The following KRTAP1-3 variants were observed in gnomAD, a reference collection of about 807,000 sequenced individuals.
KRTAP1-3 encodes keratin-associated protein 1-3.
Under a neutral mutation model 11.8 loss-of-function variants are expected in KRTAP1-3, and 10 were observed. The ratio of observed to expected loss-of-function variants is 0.85; its 90% CI spans 0.52 to 1.44. KRTAP1-3 has a LOEUF of 1.44. KRTAP1-3 is among the 40% of genes most tolerant of loss of function. The pLI, the probability that KRTAP1-3 is intolerant of heterozygous loss-of-function variation, is 0.00. For synonymous variants in KRTAP1-3, 74 were observed against 77.3 expected (o/e 0.96, Z 0.23); for missense variants, 176 against 217.2 (o/e 0.81, Z 1.19).
At position 41,034,485 on chromosome 17, in the gene KRTAP1-3, A is replaced by C; in HGVS notation, c.337T>G (p.Cys113Gly). Residue 113 changes from cysteine (C) to glycine (G), a missense_variant, in exon 1 of 1, where the codon TGC becomes GGC. Physicochemically the swap from Cys to Gly is radical, Grantham distance 159 (BLOSUM62 -3). Coordinates refer to ENST00000344363, the MANE Select transcript of KRTAP1-3 (RefSeq NM_030966.2). ...STRIRWCRPD[C>G]RVEGTCLPPC... is the part of the protein sequence containing the mutation. ...GGCAGGCAGGTACCCTCCACACGGC[A>C]GTCTGGGCGGCACCACCTGATACGG... The C allele has an allele frequency of 2.5e-6, 4 of 1,613,492 alleles. No individual in the cohort carries two copies. The highest frequency in any genetic ancestry group is 3.4e-6 in the Non-Finnish European group (4 of 1,180,012).
chr17:41,034,679 G>A lies in KRTAP1-3; in HGVS notation c.143C>T (p.Pro48Leu), dbSNP rs1464773910. ...SCCQTSFCGFPSFSTSGTCSS... is the reference protein window; with the variant it reads ...SCCQTSFCGFLSFSTSGTCSS... ...GCAGGTCCCACTAGTTGAGAAGCTA[G>A]GAAATCCGCAGAAGCTGGTCTGGCA... Residue 48 changes from proline to leucine, a missense_variant, in exon 1 of 1, where the codon CCT becomes CTT. Physicochemically the swap from Pro to Leu is moderately conservative, Grantham distance 98. Transcript: ENST00000344363. The A allele has an allele frequency of 7.1e-7, 1 of 1,415,368 alleles. No individual in the cohort carries two copies. The highest frequency in any genetic ancestry group is 2.9e-5 in the East Asian group (1 of 34,664). The allele number at this position is 1,415,368 out of a possible 1,614,324, so 87.7% of individuals were successfully genotyped here.
chr17:41,034,038 G>A lies in KRTAP1-3; in HGVS notation c.*280C>T, dbSNP rs980717460. On this transcript the variant is annotated 3_prime_UTR_variant, in exon 1 of 1. Transcript: ENST00000344363. ...TCTCGTCGGCGCTGAGACTCAGAGC[G>A]TGGGCTTCAATGCTTGCAAAGGCTC... The A allele has an allele frequency of 5.8e-5, 27 of 462,176 alleles. No individual in the cohort carries two copies. Among genetic ancestry groups the A allele is most frequent in the African/African-American group, 3.7e-4 (19 of 50,794 alleles). The allele number at this position is 462,176 out of a possible 1,614,324, so 28.6% of individuals were successfully genotyped here.
In KRTAP1-3 at chr17:41,034,768, C is replaced by T. The variant is rs959676353; in HGVS notation, c.54G>A (p.Gly18=). 4 of 1,303,940 alleles carry T rather than the reference C, an allele frequency of 3.1e-6. No homozygotes were observed. 80.8% of individuals were successfully genotyped at this position (1,303,940 alleles called of 1,614,324 possible). A position where few individuals can be genotyped will look rare whatever the true frequency, so the allele number is the denominator to read the frequency against. The change falls in exon 1 of 1, where the codon GGG becomes GGA. Residue 18 remains glycine (G), a synonymous_variant. Transcript: ENST00000344363. ...FCGYPSCSTS[G]TCGSSCCQPS... ...GCTGGCAGCAGCTGGAGCCGCATGT[C>T]CCACTGGTGGAGCAGCTGGGATATC...
In KRTAP1-3 at chr17:41,034,705, G is replaced by A; in HGVS notation, c.117C>T (p.Cys39=). Residue 39 remains cysteine, a synonymous_variant, in exon 1 of 1, where the codon TGC becomes TGT. Transcript: ENST00000344363. ...GAAATCCGCAGAAGCTGGTCTGGCA[G>A]CAGCTTGGCTGGCAGCAGCTGGTCT... The part of the protein sequence containing the change: ...CCETSCCQPS[C]CQTSFCGFPS... 6.2e-7 allele frequency: 1 copy of A among 1,610,552 alleles called. No homozygotes were observed. The highest frequency in any genetic ancestry group is 8.5e-7 in the Non-Finnish European group (1 of 1,178,434).
chr17:41,034,508 C>T lies in KRTAP1-3; in HGVS notation c.314G>A (p.Arg105His), dbSNP rs775007516. 29 of 1,612,942 alleles carry T rather than the reference C, an allele frequency of 1.8e-5. 1 individual carries two copies. The highest frequency in any genetic ancestry group is 1.6e-4 in the South Asian group (15 of 91,032). Reference protein sequence around the residue: ...QEGSSGAVSTRIRWCRPDCRV... With the variant: ...QEGSSGAVSTHIRWCRPDCRV... ...GCAGTCTGGGCGGCACCACCTGATA[C>T]GGGTGCTCACAGCTCCACTGCTGCC... Residue 105 changes from arginine (R) to histidine (H), a missense_variant, in exon 1 of 1, where the codon CGT becomes CAT. By Grantham distance (29) the Arg-to-His change is conservative. Coordinates refer to ENST00000344363, the MANE Select transcript of KRTAP1-3 (RefSeq NM_030966.2).
chr17:41,033,971 A>T lies in KRTAP1-3; in HGVS notation c.*347T>A, dbSNP rs2012505576. ...TGCAATTTGCAGGACGGTGGGATAC[A>T]GGAAGTGAGTGTCCTGAGAAGGACA... is the stretch of plus-strand genomic sequence containing the variant. On this transcript the variant is annotated 3_prime_UTR_variant, in exon 1 of 1. Coordinates refer to ENST00000344363, the MANE Select transcript of KRTAP1-3 (RefSeq NM_030966.2). 6.7e-6 allele frequency: 2 copies of T among 299,186 alleles called. No homozygotes were observed. Among genetic ancestry groups the T allele is most frequent in the Non-Finnish European group, 1.2e-5 (2 of 162,712 alleles). 18.5% of individuals were successfully genotyped at this position (299,186 alleles called of 1,614,324 possible).
Position 41,034,558 on chromosome 17 carries a change from A to G in KRTAP1-3, c.264T>C (p.Gly88=), listed in dbSNP as rs372009280. The change falls in exon 1 of 1, where the codon GGT becomes GGC. Residue 88 remains glycine, a synonymous_variant. Transcript: ENST00000344363. ...TSSCGTGCGI[G]GGIGYGQEGS... ...CCTCCTGGCCATAGCCAATGCCACC[A>G]CCAATGCCACAGCCAGTTCCGCAGG... 4.0e-5 allele frequency: 65 copies of G among 1,612,062 alleles called. No individual in the cohort carries two copies. Among genetic ancestry groups the G allele is most frequent in the Non-Finnish European group, 5.3e-5 (63 of 1,179,768 alleles).
In KRTAP1-3 at chr17:41,034,649, G is replaced by A. The variant is rs2012527062; in HGVS notation, c.173C>T (p.Ser58Phe). ...ACAGCAGCTTGGCTGGCAGCAACTG[G>A]AGCTGCAGGTCCCACTAGTTGAGAA... ...PSFSTSGTCS[S>F]SCCQPSCCET... Residue 58 changes from serine to phenylalanine, a missense_variant, in exon 1 of 1, where the codon TCC (serine) becomes TTC (phenylalanine). Ser to Phe is a radical substitution (Grantham distance 155). Coordinates refer to ENST00000344363, the MANE Select transcript of KRTAP1-3 (RefSeq NM_030966.2). The A allele has an allele frequency of 4.6e-6, 7 of 1,521,712 alleles. No individual in the cohort carries two copies. The highest frequency in any genetic ancestry group is 6.2e-6 in the Non-Finnish European group (7 of 1,131,988). The allele number at this position is 1,521,712 out of a possible 1,614,324, so 94.3% of individuals were successfully genotyped here.
At position 41,034,656 on chromosome 17, in the gene KRTAP1-3, A is replaced by G. The variant is rs181779182; in HGVS notation, c.166T>C (p.Cys56Arg). ...CTTGGCTGGCAGCAACTGGAGCTGC[A>G]GGTCCCACTAGTTGAGAAGCTAGGA... is the stretch of plus-strand genomic sequence containing the variant. ...GFPSFSTSGT[C>R]SSSCCQPSCC... The change falls in exon 1 of 1, where the codon TGC (cysteine) becomes CGC (arginine). Residue 56 changes from cysteine (C) to arginine (R), a missense_variant. Transcript: ENST00000344363. 1,662 of 1,510,762 alleles carry G rather than the reference A, an allele frequency of 1.1e-3. 19 individuals carry two copies. The African/African-American group carries it at 0.021, about 19-fold the overall frequency. The allele number at this position is 1,510,762 out of a possible 1,614,324, so 93.6% of individuals were successfully genotyped here. A position where few individuals can be genotyped will look rare whatever the true frequency, so the allele number is the denominator to read the frequency against.
rs201959250 is a variant in KRTAP1-3, at chr17:41,034,595, C to T, written c.227G>A (p.Cys76Tyr). The T allele has an allele frequency of 2.9e-5, 46 of 1,613,008 alleles. No individual in the cohort carries two copies. Among genetic ancestry groups the T allele is most frequent in the East Asian group, 1.8e-4 (8 of 44,876 alleles). Residue 76 changes from cysteine to tyrosine, a missense_variant, in exon 1 of 1, where the codon TGC becomes TAC. Cys to Tyr is a radical substitution (Grantham distance 194). Coordinates refer to ENST00000344363, the MANE Select transcript of KRTAP1-3 (RefSeq NM_030966.2). ...GCCAGTTCCGCAGGAGCTGGTCTGG[C>T]AGCAGCTTGGCTGGCAGCAGCTGGT... is the stretch of plus-strand genomic sequence containing the variant. The part of the protein sequence containing the change: ...CETSCCQPSC[C>Y]QTSSCGTGCG...
At position 41,034,464 on chromosome 17, in the gene KRTAP1-3, G is replaced by T; in HGVS notation, c.358C>A (p.Leu120Met). 2.5e-6 allele frequency: 4 copies of T among 1,613,696 alleles called. No individual in the cohort carries two copies. Among genetic ancestry groups the T allele is most frequent in the Non-Finnish European group, 3.4e-6 (4 of 1,180,028 alleles). ...RPDCRVEGTC[L>M]PPCCVVSCTP... is the part of the protein sequence containing the mutation. ...CAGCTCACCACACAGCAGGGGGGCA[G>T]GCAGGTACCCTCCACACGGCAGTCT... Residue 120 changes from leucine to methionine, a missense_variant, in exon 1 of 1, where the codon CTG becomes ATG. By Grantham distance (15) the Leu-to-Met change is conservative (BLOSUM62 2). Transcript: ENST00000344363.
Position 41,034,434 on chromosome 17 carries a change from G to T in KRTAP1-3, c.388C>A (p.Pro130Thr). Residue 130 changes from proline (P) to threonine (T), a missense_variant, in exon 1 of 1, where the codon CCC (proline) becomes ACC (threonine). Coordinates refer to ENST00000344363, the MANE Select transcript of KRTAP1-3 (RefSeq NM_030966.2). ...TGGTGCAGCTGGCAGCAGGTTGGGG[G>T]TGTGCAGCTCACCACACAGCAGGGG... ...LPPCCVVSCT[P>T]PTCCQLHHAE... 3 of 1,613,804 alleles carry T rather than the reference G, an allele frequency of 1.9e-6. No individual in the cohort carries two copies. The highest frequency in any genetic ancestry group is 1.3e-5 in the African/African-American group (1 of 74,978).
At position 41,033,906 on chromosome 17, in the gene KRTAP1-3, T is replaced by A; in HGVS notation, c.*412A>T. On this transcript the variant is annotated 3_prime_UTR_variant, in exon 1 of 1. Coordinates refer to ENST00000344363, the MANE Select transcript of KRTAP1-3 (RefSeq NM_030966.2). ...ATGTTTGTTGCACCAATAGTTAAAA[T>A]TTATTAGACCTTGGTATATTATTCC... The A allele has an allele frequency of 5.4e-6, 1 of 183,638 alleles. No homozygotes were observed. Among genetic ancestry groups the A allele is most frequent in the Non-Finnish European group, 1.1e-5 (1 of 90,046 alleles). 11.4% of individuals were successfully genotyped at this position (183,638 alleles called of 1,614,324 possible). A position where few individuals can be genotyped will look rare whatever the true frequency, so the allele number is the denominator to read the frequency against.
In KRTAP1-3 at chr17:41,034,697, G is replaced by C; in HGVS notation, c.125C>G (p.Thr42Ser). 1 of 1,501,680 alleles carries C rather than the reference G, an allele frequency of 6.7e-7. No homozygotes were observed. Among genetic ancestry groups the C allele is most frequent in the Non-Finnish European group, 8.9e-7 (1 of 1,119,296 alleles). The allele number at this position is 1,501,680 out of a possible 1,614,324, so 93.0% of individuals were successfully genotyped here. A position where few individuals can be genotyped will look rare whatever the true frequency, so the allele number is the denominator to read the frequency against. The change falls in exon 1 of 1, where the codon ACC becomes AGC. Residue 42 changes from threonine to serine, a missense_variant. Thr to Ser is a moderately conservative substitution (Grantham distance 58). Coordinates refer to ENST00000344363, the MANE Select transcript of KRTAP1-3 (RefSeq NM_030966.2). ...TSCCQPSCCQ[T>S]SFCGFPSFST... ...GAAGCTAGGAAATCCGCAGAAGCTG[G>C]TCTGGCAGCAGCTTGGCTGGCAGCA...
In KRTAP1-3 at chr17:41,034,506, T is replaced by A. The variant is rs62622847; in HGVS notation, c.316A>T (p.Ile106Phe). 811 of 1,612,248 alleles carry A rather than the reference T, an allele frequency of 5.0e-4. 1 individual carries two copies. Among genetic ancestry groups the A allele is most frequent in the Non-Finnish European group, 5.8e-4 (688 of 1,179,642 alleles). The change falls in exon 1 of 1, where the codon ATC becomes TTC. Residue 106 changes from isoleucine (I) to phenylalanine (F), a missense_variant. Transcript: ENST00000344363. ...EGSSGAVSTR[I>F]RWCRPDCRVE... ...CGGCAGTCTGGGCGGCACCACCTGA[T>A]ACGGGTGCTCACAGCTCCACTGCTG...
Position 41,034,195 on chromosome 17 carries a change from C to T in KRTAP1-3, c.*123G>A, listed in dbSNP as rs1441556026. The T allele has an allele frequency of 3.9e-6, 5 of 1,292,862 alleles. No individual in the cohort carries two copies. In the African/African-American group the frequency reaches 4.5e-5, roughly 12 times the overall value. The allele number at this position is 1,292,862 out of a possible 1,614,324, so 80.1% of individuals were successfully genotyped here. A position where few individuals can be genotyped will look rare whatever the true frequency, so the allele number is the denominator to read the frequency against. On this transcript the variant is annotated 3_prime_UTR_variant, in exon 1 of 1. Transcript: ENST00000344363. ...CTGAGGCCAAAATATTTGGTAACCC[C>T]CATAAGAAAGACAAAGAAAGGTTGA...
At position 41,034,710 on chromosome 17, in the gene KRTAP1-3, T is replaced by G. The variant is rs374235137; in HGVS notation, c.112A>C (p.Ser38Arg). ...CCGCAGAAGCTGGTCTGGCAGCAGCTTGGCTGGCAGCAGCTGGTCTCACAG... is the reference window on the plus strand; with the variant it reads ...CCGCAGAAGCTGGTCTGGCAGCAGCGTGGCTGGCAGCAGCTGGTCTCACAG... ...SCCETSCCQP[S>R]CCQTSFCGFP... Residue 38 changes from serine (S) to arginine (R), a missense_variant, in exon 1 of 1, where the codon AGC becomes CGC. Transcript: ENST00000344363. 6.1e-4 allele frequency: 978 copies of G among 1,610,240 alleles called. No individual in the cohort carries two copies. The highest frequency in any genetic ancestry group is 8.1e-4 in the Non-Finnish European group (950 of 1,178,324).
In KRTAP1-3 at chr17:41,034,732, A is replaced by G. The variant is rs2012531670; in HGVS notation, c.90T>C (p.Cys30=). 1 of 1,609,682 alleles carries G rather than the reference A, an allele frequency of 6.2e-7. No homozygotes were observed. The highest frequency in any genetic ancestry group is 8.5e-7 in the Non-Finnish European group (1 of 1,178,098). The change falls in exon 1 of 1, where the codon TGT becomes TGC. Residue 30 remains cysteine (C), a synonymous_variant. Transcript: ENST00000344363. ...CGSSCCQPSC[C]ETSCCQPSCC... Reference sequence around the variant, plus strand: ...AGCTTGGCTGGCAGCAGCTGGTCTCACAGCAGCTTGGCTGGCAGCAGCTGG... The same window carrying G: ...AGCTTGGCTGGCAGCAGCTGGTCTCGCAGCAGCTTGGCTGGCAGCAGCTGG...
chr17:41,034,197 A>G lies in KRTAP1-3; in HGVS notation c.*121T>C, dbSNP rs2012509750. On this transcript the variant is annotated 3_prime_UTR_variant, in exon 1 of 1. Transcript: ENST00000344363. The stretch of plus-strand genomic sequence containing the variant: ...GAGGCCAAAATATTTGGTAACCCCC[A>G]TAAGAAAGACAAAGAAAGGTTGAAG... 9 of 1,319,180 alleles carry G rather than the reference A, an allele frequency of 6.8e-6. No homozygotes were observed. Among genetic ancestry groups the G allele is most frequent in the South Asian group, 1.6e-5 (1 of 61,968 alleles). The allele number at this position is 1,319,180 out of a possible 1,614,324, so 81.7% of individuals were successfully genotyped here.
Sources: gnomAD v4.1 joint callset for allele counts on GRCh38, gnomAD v4.1.1 for gene constraint, MANE v1.5 for transcripts, NCBI Gene and HGNC (gene_info 2026-07-23, HGNC 2026-07-21) for gene names.